The following KCNT2 variants were observed in gnomAD, a reference collection of about 807,000 sequenced individuals.
KCNT2 encodes potassium channel subfamily T member 2.
KCNT2 carries 67 observed loss-of-function variants against 153.8 expected under a neutral mutation model. That is an observed-to-expected ratio of 0.44 (90% CI 0.36 to 0.53). The LOEUF is 0.53. KCNT2 is among the 20% of genes least tolerant of loss of function. The pLI is 0.00. For missense variants in KCNT2, 975 were observed against 1,354.8 expected (o/e 0.72, Z 4.40); for synonymous variants, 500 against 458.8 (o/e 1.09, Z -1.15).
At chr1:196,291,273 C>A (rs1660158183) in intron 22 of KCNT2, among the ~76,000 whole-genome samples, 2 of 151,288 alleles carry the variant, frequency 1.3e-5, no homozygotes, top group Admixed American at 1.3e-4. Flanking sequence ...GTGATGCTGC[C>A]CTTCTGCTTG....
intron 26 of KCNT2, among the ~76,000 whole-genome samples, chr1:196,237,500 C>CCATA (rs1203950208): frequency 6.6e-6 from 1 of 151,590 alleles, no homozygotes; most frequent in Admixed American, 6.6e-5. Flanking sequence ...TTGTATCATG[C>CCATA]CATAGTGTTA....
intron 8 of KCNT2, among the ~76,000 whole-genome samples, chr1:196,458,649 A>T (rs1327054361): frequency 6.6e-6 from 1 of 151,922 alleles, no homozygotes; most frequent in African/African-American, 2.4e-5. Flanking sequence ...TTAACTATAC[A>T]TTTGGCAGTA....
At chr1:196,400,547 A>C (rs889388231) in intron 12 of KCNT2, among the ~76,000 whole-genome samples, 1 of 151,800 alleles carries the variant, frequency 6.6e-6, no homozygotes, top group Non-Finnish European at 1.5e-5. Flanking sequence ...CAGTTATCGA[A>C]AAAACATAAG....
chr1:196,377,616 T>C (rs759880297), intron 13 of KCNT2, among the ~76,000 whole-genome samples: 1 of 151,932 alleles, frequency 6.6e-6, no homozygotes, highest in South Asian at 2.1e-4. Flanking sequence ...CAGCAATACA[T>C]AGAGAGCTGA....
chr1:196,604,566 C>T (rs1665107407), intron 1 of KCNT2, among the ~76,000 whole-genome samples: 1 of 152,166 alleles, frequency 6.6e-6, no homozygotes, highest in Non-Finnish European at 1.5e-5. Flanking sequence ...GTAGTGTTAT[C>T]CATGTGCTAA....
intron 14 of KCNT2, among the ~76,000 whole-genome samples, chr1:196,344,467 G>GA (rs1271385551): frequency 6.6e-6 from 1 of 151,984 alleles, no homozygotes; most frequent in African/African-American, 2.4e-5. Context: ...GTCTCTGGTG[G>GA]AAAAAACGTT....
At chr1:196,511,576 G>T (rs984149685) in intron 1 of KCNT2, among the ~76,000 whole-genome samples, 2 of 152,110 alleles carry the variant, frequency 1.3e-5, no homozygotes, top group African/African-American at 4.8e-5. Context: ...CATAGATTCT[G>T]GGAGCTTAAA....
rs1654764060 is a variant in KCNT2, at chr1:196,239,602, T to G, written c.3212-3532A>C. On this transcript the variant is annotated intron_variant, in intron 26 of 27. Coordinates refer to ENST00000294725, the MANE Select transcript of KCNT2 (RefSeq NM_198503.5). ...TATTCCATACACATTACTTTCATATTTTTGTTTTGTTTTAAATTTTCATGT... is the reference window on the plus strand; with the variant it reads ...TATTCCATACACATTACTTTCATATGTTTGTTTTGTTTTAAATTTTCATGT... Among the ~76,000 whole-genome samples, 4 of 152,008 alleles carry G rather than the reference T, an allele frequency of 2.6e-5. No individual in the cohort carries two copies. The South Asian group carries it at 8.3e-4, about 31-fold the overall frequency.
chr1:196,235,021 T>C (rs1390101260), intron 27 of KCNT2, among the ~76,000 whole-genome samples: 2 of 151,488 alleles, frequency 1.3e-5, no homozygotes, highest in East Asian at 3.9e-4. Context: ...TTCTAAAGTC[T>C]TGTTACATAC....
chr1:196,290,653 G>A (rs1660107182), intron 22 of KCNT2, among the ~76,000 whole-genome samples: 1 of 151,118 alleles, frequency 6.6e-6, no homozygotes, highest in African/African-American at 2.4e-5. Context: ...TTTTACTTAT[G>A]TACTATAATT....
chr1:196,249,107 A>G (rs1655717383), intron 26 of KCNT2, among the ~76,000 whole-genome samples: 1 of 151,292 alleles, frequency 6.6e-6, no homozygotes. Context: ...AAATCCTTTC[A>G]TGATTAAAAA....
At chr1:196,347,669 C>T (rs1666256897) in intron 14 of KCNT2, among the ~76,000 whole-genome samples, 2 of 152,152 alleles carry the variant, frequency 1.3e-5, no homozygotes, top group Non-Finnish European at 2.9e-5. Flanking sequence ...CATTACAAAG[C>T]CCTGCTCACC....
At chr1:196,551,703 T>G (rs1352005475) in intron 1 of KCNT2, among the ~76,000 whole-genome samples, 1 of 151,626 alleles carries the variant, frequency 6.6e-6, no homozygotes, top group Non-Finnish European at 1.5e-5. Flanking sequence ...GACTCTTTTT[T>G]TATGTGTTTT....
At chr1:196,449,246 C>T (rs916355001) in intron 8 of KCNT2, among the ~76,000 whole-genome samples, 1 of 151,638 alleles carries the variant, frequency 6.6e-6, no homozygotes, top group African/African-American at 2.4e-5. Context: ...AGGGAACAAG[C>T]TCATATGAAA....
At chr1:196,608,143 C>G (rs2149046600) in intron 1 of KCNT2, 72 bp downstream of exon 1, 1 of 1,366,918 alleles carries the variant, frequency 7.3e-7, no homozygotes. Flanking sequence ...CCTCCTTTCC[C>G]CACTTCGGCC....
At chr1:196,424,436 T>C (rs148016095) in intron 11 of KCNT2, among the ~76,000 whole-genome samples, 1 of 151,968 alleles carries the variant, frequency 6.6e-6, no homozygotes, top group East Asian at 1.9e-4. Context: ...TACAGTAGTA[T>C]CTAAGCATCT....
chr1:196,525,574 C>T (rs1311087304), intron 1 of KCNT2, among the ~76,000 whole-genome samples: 1 of 152,132 alleles, frequency 6.6e-6, no homozygotes, highest in African/African-American at 2.4e-5. Flanking sequence ...TATGGGCCTG[C>T]TCTAGAAAGT....
At chr1:196,436,564 G>A (rs12070140) in intron 8 of KCNT2, among the ~76,000 whole-genome samples, 4,987 of 151,412 alleles carry the variant, frequency 0.033, 120 homozygotes, top group South Asian at 0.07. Context: ...AAGATTTGAA[G>A]CAATACAGTG....
Position 196,226,380 on chromosome 1 carries a change from A to T in KCNT2, c.*1844T>A, listed in dbSNP as rs987028355. Reference sequence around the variant, plus strand: ...TTCCATTCTGCCTTCAGTTTTTAACAATTTATATGTGAATGTGTGTGTCAA... The same window carrying T: ...TTCCATTCTGCCTTCAGTTTTTAACTATTTATATGTGAATGTGTGTGTCAA... On this transcript the variant is annotated 3_prime_UTR_variant, in exon 28 of 28. Coordinates refer to ENST00000294725, the MANE Select transcript of KCNT2 (RefSeq NM_198503.5). The T allele has an allele frequency of 6.6e-6, 1 of 152,034 alleles. No individual in the cohort carries two copies. Among genetic ancestry groups the T allele is most frequent in the African/African-American group, 2.4e-5 (1 of 41,462 alleles). The allele number at this position is 152,034 out of a possible 1,614,324, so 9.4% of individuals were successfully genotyped here.
Sources: allele counts gnomAD v4.1 joint callset (sites outside exome capture counted in the v4.1 genomes callset), GRCh38; gene constraint gnomAD v4.1.1; transcripts MANE v1.5; gene names NCBI Gene and HGNC (gene_info 2026-07-23, HGNC 2026-07-21).